Variants in ALG6 observed in about 807,000 individuals in gnomAD.
ALG6 encodes the protein ALG6 alpha-1,3-glucosyltransferase.
Under a neutral mutation model 66.6 loss-of-function variants are expected in ALG6, and 46 were observed. The observed-to-expected ratio is 0.69, with a 90% CI of 0.55 to 0.88. The LOEUF (loss-of-function observed/expected upper bound fraction) is 0.88. Ranked by LOEUF, ALG6 falls within the 40% of genes least tolerant of loss-of-function variation. The pLI, the probability that ALG6 is intolerant of heterozygous loss-of-function variation, is 0.00. For synonymous variants in ALG6, 185 were observed against 203.7 expected, an observed-to-expected ratio of 0.91 and a Z score of 0.78; for missense variants, 505 against 586.8, an observed-to-expected ratio of 0.86 and a Z score of 1.44.
chr1:63,374,365 C>A (rs775153190), intron 2 of ALG6, among the ~76,000 whole-genome samples: 2 of 152,158 alleles, frequency 1.3e-5, no homozygotes, highest in Non-Finnish European at 2.9e-5. Flanking sequence ...CCGTGGCTCA[C>A]GCCTGTAATC....
intron 2 of ALG6, among the ~76,000 whole-genome samples, chr1:63,380,979 A>T (rs944527523): frequency 1.3e-5 from 2 of 152,200 alleles, no homozygotes; most frequent in African/African-American, 4.8e-5. Flanking sequence ...TGGCTATGAT[A>T]TATTTTTGTC....
chr1:63,412,008 C>T lies in ALG6; in HGVS notation c.763C>T (p.Gln255Ter). The T allele has an allele frequency of 6.2e-7, 1 of 1,614,096 alleles. No individual in the cohort carries two copies. Reference protein sequence around the residue: ...CWLPFFTEREQTLQVLRRLFP... With the variant: ...CWLPFFTERE ...GCTGCCATTCTTTACAGAAAGGGAA[C>T]AAACCCTGCAGGTTCTAAGAAGACT... Residue 255 changes from glutamine to a stop codon, truncating the protein, a stop_gained, in exon 9 of 15, where the codon CAA becomes TAA. Coordinates refer to ENST00000263440, the MANE Select transcript of ALG6 (RefSeq NM_013339.4). LOFTEE classifies it high-confidence loss of function.
intron 5 of ALG6, 104 bp downstream of exon 5, chr1:63,404,645 A>G: frequency 2.2e-6 from 2 of 900,700 alleles, no homozygotes; most frequent in Non-Finnish European, 3.6e-6. Flanking sequence ...AAATTGTGCA[A>G]TTACACAAAC....
In ALG6 at chr1:63,437,118, A is replaced by G; in HGVS notation, c.*98A>G. 2 of 1,075,352 alleles carry G rather than the reference A, an allele frequency of 1.9e-6. No homozygotes were observed. The highest frequency in any genetic ancestry group is 2.1e-5 in the Admixed American group (1 of 48,160). 66.6% of individuals were successfully genotyped at this position (1,075,352 alleles called of 1,614,324 possible). A position where few individuals can be genotyped will look rare whatever the true frequency, so the allele number is the denominator to read the frequency against. On this transcript the variant is annotated 3_prime_UTR_variant, in exon 15 of 15. Coordinates refer to ENST00000263440, the MANE Select transcript of ALG6 (RefSeq NM_013339.4). ...TTTGCTATGTATAAATGAAATTACC[A>G]TTTTGAGAACCATGGAACCACAGGA...
At chr1:63,415,841 A>C (rs1407663677) in intron 10 of ALG6, 32 bp from the exon 11 acceptor site, 1 of 1,440,568 alleles carries the variant, frequency 6.9e-7, no homozygotes, top group African/African-American at 1.4e-5. Flanking sequence ...TCTACAAAGA[A>C]GACAAATATT....
intron 14 of ALG6, among the ~76,000 whole-genome samples, chr1:63,434,030 A>C (rs1644662727): frequency 6.6e-6 from 1 of 152,206 alleles, no homozygotes; most frequent in Non-Finnish European, 1.5e-5. Context: ...AACATCATGG[A>C]GGTCATAGTG....
intron 2 of ALG6, among the ~76,000 whole-genome samples, chr1:63,380,095 T>G (rs1648255766): frequency 6.6e-6 from 1 of 152,112 alleles, no homozygotes; most frequent in South Asian, 2.1e-4. Flanking sequence ...TAAAGGAGAC[T>G]GAGAAGAAAC....
intron 3 of ALG6, among the ~76,000 whole-genome samples, chr1:63,401,555 A>G (rs1016911276): frequency 2.7e-5 from 4 of 150,652 alleles, no homozygotes; most frequent in Non-Finnish European, 5.9e-5. Context: ...AATCCAAGCT[A>G]CTCAGGAGGC....
chr1:63,435,487 C>T (rs1644673357), intron 14 of ALG6, among the ~76,000 whole-genome samples: 1 of 152,056 alleles, frequency 6.6e-6, no homozygotes, highest in Non-Finnish European at 1.5e-5. Flanking sequence ...TTAGATCTTA[C>T]CAATACTGTC....
intron 12 of ALG6, among the ~76,000 whole-genome samples, chr1:63,423,024 A>ATT (rs61279219): frequency 0.021 from 2,953 of 142,944 alleles, 90 homozygotes; most frequent in African/African-American, 0.068. Flanking sequence ...GGATAATGCA[A>ATT]TTTTTTTTTT....
At chr1:63,421,958 T>C (rs569045309) in intron 12 of ALG6, among the ~76,000 whole-genome samples, 3 of 149,192 alleles carry the variant, frequency 2.0e-5, no homozygotes, top group South Asian at 2.1e-4. Flanking sequence ...CCATGGCACG[T>C]GTATACCTAT....
chr1:63,391,266 A>G (rs757156689), intron 2 of ALG6, among the ~76,000 whole-genome samples: 4 of 152,208 alleles, frequency 2.6e-5, no homozygotes, highest in Non-Finnish European at 5.9e-5. Context: ...TAACGCATTT[A>G]TTGAATATAA....
intron 9 of ALG6, chr1:63,413,534 T>TGG: frequency 1.6e-4 from 25 of 152,964 alleles, no homozygotes; most frequent in South Asian, 6.2e-4. Context: ...GAGAACGGAT[T>TGG]TCACCACCAG....
chr1:63,423,224 A>G (rs964366223), intron 12 of ALG6, among the ~76,000 whole-genome samples: 1 of 152,056 alleles, frequency 6.6e-6, no homozygotes, highest in Admixed American at 6.5e-5. Flanking sequence ...GGGTTTCACC[A>G]TGTTGGCCAG....
At chr1:63,418,389 G>A (rs1444875760) in intron 11 of ALG6, among the ~76,000 whole-genome samples, 1 of 150,934 alleles carries the variant, frequency 6.6e-6, no homozygotes, top group African/African-American at 2.4e-5. Context: ...ACCAGAAGGA[G>A]CCAATCACAA....
intron 10 of ALG6, among the ~76,000 whole-genome samples, chr1:63,414,466 TCTCGAA>T (rs1478917850): frequency 2.0e-5 from 3 of 152,106 alleles, no homozygotes; most frequent in Non-Finnish European, 4.4e-5. Flanking sequence ...GCCAGGCTGG[TCTCGAA>T]CTCCTGACCT....
rs1196640426 is a variant in ALG6, at chr1:63,386,963, C to T, written c.83-9550C>T. 2.0e-5 allele frequency among the ~76,000 whole-genome samples: 3 copies of T among 152,018 alleles called. No individual in the cohort carries two copies. The East Asian group carries it at 5.8e-4, about 29-fold the overall frequency. On this transcript the variant is annotated intron_variant, in intron 2 of 14. Coordinates refer to ENST00000263440, the MANE Select transcript of ALG6 (RefSeq NM_013339.4). ...CTCTTAGTACTACTTTCATGTATCC[C>T]ATAGGTTTTGGTATGTTGTGTTTCC... is the stretch of plus-strand genomic sequence containing the variant.
intron 2 of ALG6, 79 bp from the exon 3 acceptor site, chr1:63,396,434 G>T: frequency 8.0e-7 from 1 of 1,253,660 alleles, no homozygotes; most frequent in East Asian, 2.3e-5. Flanking sequence ...CTCTAATTTA[G>T]ACAATTTTCA....
At position 63,375,410 on chromosome 1, in the gene ALG6, ATTTTTTTTTTT is replaced by A. The variant is rs766565038; in HGVS notation, c.82+4368_82+4378del. On this transcript the variant is annotated intron_variant, in intron 2 of 14. Transcript: ENST00000263440. The stretch of plus-strand genomic sequence containing the variant: ...ACAGGCATGTGCCACCACCCCCGGC[ATTTTTTTTTTT>A]TTTTTTTTTTTTTTTTCCAGTAGAG... Among the ~76,000 whole-genome samples, 419 of 77,080 alleles carry A rather than the reference ATTTTTTTTTTT, an allele frequency of 5.4e-3. 4 individuals are homozygous for A. The highest frequency in any genetic ancestry group is 0.018 in the Middle Eastern group (2 of 112). 50.6% of individuals were successfully genotyped at this position (77,080 alleles called of 152,430 possible).
Sources: allele counts gnomAD v4.1 joint callset (sites outside exome capture counted in the v4.1 genomes callset), GRCh38; gene constraint gnomAD v4.1.1; transcripts MANE v1.5; gene names NCBI Gene and HGNC (gene_info 2026-07-23, HGNC 2026-07-21).